Variants in ZNF454 observed in about 807,000 individuals in gnomAD.
ZNF454 encodes zinc finger protein 454.
In ZNF454, 30 loss-of-function variants were observed where a neutral mutation model predicts 48.2. The ratio of observed to expected loss-of-function variants is 0.62; its 90% CI spans 0.47 to 0.84. The LOEUF (loss-of-function observed/expected upper bound fraction) is 0.84. ZNF454 is among the 40% of genes least tolerant of loss of function. The pLI, the probability that ZNF454 is intolerant of heterozygous loss-of-function variation, is 0.00. For missense variants in ZNF454, 510 were observed against 623.1 expected (o/e 0.82, Z 1.93); for synonymous variants, 204 against 211.4 (o/e 0.97, Z 0.30).
chr5:178,983,481 G>A, the ZNF454 span: 1 of 669,408 alleles, frequency 1.5e-6, no homozygotes, highest in Admixed American at 2.0e-5. Flanking sequence ...CGTATATGTT[G>A]GCAACATCAG....
chr5:178,988,860 T>C, the ZNF454 span: 6 of 1,232,358 alleles, frequency 4.9e-6, no homozygotes, highest in South Asian at 7.7e-5. This position sits in a 1 kb window ranked among gnomAD's most constrained non-coding sequence, Gnocchi z 6.0. Context: ...CACCCTGAGG[T>C]TGTCCCAGGC....
chr5:178,959,528 A>G (rs990806548), intron 4 of ZNF454, among the ~76,000 whole-genome samples: 3 of 152,238 alleles, frequency 2.0e-5, no homozygotes, highest in African/African-American at 7.2e-5. Context: ...GAATTTTGAT[A>G]AGAATTGGGC....
chr5:178,985,583 G>A, the ZNF454 span: 42 of 348,042 alleles, frequency 1.2e-4, no homozygotes, highest in Middle Eastern at 8.4e-4. Flanking sequence ...GGCGCCTGTA[G>A]TCCCAGCTAC....
intron 4 of ZNF454, among the ~76,000 whole-genome samples, chr5:178,951,646 T>A (rs538243478): frequency 7.2e-5 from 11 of 152,254 alleles, no homozygotes; most frequent in Non-Finnish European, 1.3e-4. Context: ...CCTTCAGTGA[T>A]ATACCTTACT....
intron 4 of ZNF454, among the ~76,000 whole-genome samples, chr5:178,951,708 A>G (rs865874543): frequency 6.6e-6 from 1 of 152,106 alleles, no homozygotes; most frequent in African/African-American, 2.4e-5. Flanking sequence ...ACTTTTTACT[A>G]TTATGGATAA....
At chr5:178,986,506 G>T in the ZNF454 span, 6 of 1,609,700 alleles carry the variant, frequency 3.7e-6, no homozygotes, top group East Asian at 2.2e-5. Context: ...TGCCCAGGGG[G>T]AGGACCAGCT....
chr5:178,944,313 AC>A lies in ZNF454; in HGVS notation c.33+1492del, dbSNP rs1341211356. ...CACTTTTTCTGCAAAACCTGTCCGC[AC>A]CCACAGTGCCAGTCTACTGTGATAT... On this transcript the variant is annotated intron_variant, in intron 2 of 4. Transcript: ENST00000519564. This position sits in a 1 kb window ranked among gnomAD's most constrained non-coding sequence, Gnocchi z 4.1. Among the ~76,000 whole-genome samples, 3 of 152,144 alleles carry A rather than the reference AC, an allele frequency of 2.0e-5. No individual in the cohort carries two copies. The highest frequency in any genetic ancestry group is 7.2e-5 in the African/African-American group (3 of 41,518).
At chr5:178,957,786 A>G (rs1448808908) in intron 4 of ZNF454, among the ~76,000 whole-genome samples, 1 of 152,166 alleles carries the variant, frequency 6.6e-6, no homozygotes, top group Non-Finnish European at 1.5e-5. Flanking sequence ...GTCTTACTGA[A>G]CTGGATTAAT....
Position 178,946,619 on chromosome 5 carries a change from C to G in ZNF454, c.160+134C>G. 7.9e-7 allele frequency: 1 copy of G among 1,258,640 alleles called. No homozygotes were observed. The allele number at this position is 1,258,640 out of a possible 1,614,324, so 78.0% of individuals were successfully genotyped here. ...CAAGGGTGCCATTAATTTTACCTGT[C>G]CTTGGTGTCCTGGGCACAGGCCTCT... On this transcript the variant is annotated intron_variant, in intron 3 of 4. Transcript: ENST00000519564. The surrounding 1 kb of genome is among the most constrained non-coding windows in gnomAD (Gnocchi z 4.5).
the ZNF454 span, chr5:178,982,692 TAAAAA>T: frequency 0.051 from 21,971 of 432,500 alleles, 992 homozygotes; most frequent in East Asian, 0.17. Flanking sequence ...ATGAAAATGA[TAAAAA>T]AAAAAAAGAA....
the ZNF454 span, chr5:178,986,173 G>T: frequency 6.2e-7 from 1 of 1,613,964 alleles, no homozygotes; most frequent in East Asian, 2.2e-5. Context: ...CTGTGAGGTG[G>T]GGCTGATGAA....
the ZNF454 span, chr5:178,985,638 G>T: frequency 2.9e-5 from 11 of 377,482 alleles, no homozygotes; most frequent in South Asian, 9.8e-5. Flanking sequence ...GGAAGGCAGA[G>T]CTTGCAGGGA....
the ZNF454 span, among the ~76,000 whole-genome samples, chr5:178,972,565 A>C: frequency 6.6e-6 from 1 of 152,214 alleles, no homozygotes; most frequent in South Asian, 2.1e-4. Flanking sequence ...ATCCAAGAGT[A>C]GAAGTGAGGG....
chr5:178,953,980 C>A (rs1759651352), intron 4 of ZNF454, among the ~76,000 whole-genome samples: 1 of 152,096 alleles, frequency 6.6e-6, no homozygotes, highest in African/African-American at 2.4e-5. Flanking sequence ...CCTGCCCAAC[C>A]AGGCATGTTG....
At chr5:178,952,317 G>A (rs1407993448) in intron 4 of ZNF454, among the ~76,000 whole-genome samples, 4 of 152,200 alleles carry the variant, frequency 2.6e-5, no homozygotes, top group Non-Finnish European at 5.9e-5. Context: ...GATTACAGGC[G>A]TGAGCCACCG....
the ZNF454 span, chr5:178,981,549 C>G: frequency 1.2e-6 from 1 of 858,914 alleles, no homozygotes; most frequent in Non-Finnish European, 1.9e-6. The surrounding 1 kb of genome is among the most constrained non-coding windows in gnomAD (Gnocchi z 5.1). Context: ...TCTTGGCAAA[C>G]TCCCTGCCAC....
chr5:178,977,414 G>A, the ZNF454 span: 1 of 456,126 alleles, frequency 2.2e-6, no homozygotes. Flanking sequence ...AAATCCACTG[G>A]TGTCTTGCTC....
the ZNF454 span, chr5:178,985,571 C>CGGG: frequency 3.0e-6 from 1 of 338,148 alleles, no homozygotes; most frequent in African/African-American, 2.2e-5. Context: ...GGCGTGGTGG[C>CGGG]GGGCGCCTGT....
chr5:178,967,711 T>C (rs1389492552), downstream of ZNF454, among the ~76,000 whole-genome samples: 2 of 146,716 alleles, frequency 1.4e-5, no homozygotes, highest in African/African-American at 2.4e-5. Flanking sequence ...ATGGTTCCTT[T>C]ACCCTGTTTT....
Sources: allele counts gnomAD v4.1 joint callset (sites outside exome capture counted in the v4.1 genomes callset), GRCh38; gene constraint gnomAD v4.1.1; non-coding constraint Gnocchi (gnomAD v3.1); transcripts MANE v1.5; gene names NCBI Gene and HGNC (gene_info 2026-07-23, HGNC 2026-07-21).